PDE7B: variants seen among roughly 807,000 people sequenced by gnomAD.
The protein encoded by PDE7B is 3',5'-cyclic-AMP phosphodiesterase 7B.
A neutral mutation model predicts 56.2 loss-of-function variants in PDE7B; 29 were observed. The ratio of observed to expected loss-of-function variants is 0.52; its 90% CI spans 0.38 to 0.70. The LOEUF (loss-of-function observed/expected upper bound fraction) is 0.70. PDE7B is among the 30% of genes least tolerant of loss of function. The pLI, the probability that PDE7B is intolerant of heterozygous loss-of-function variation, is 0.00. For synonymous variants in PDE7B, 197 were observed against 196.9 expected (o/e 1.00, Z 0.00); for missense variants, 490 against 565.0 (o/e 0.87, Z 1.35).
chr6:135,864,514 T>G (rs1775213599), intron 1 of PDE7B, among the ~76,000 whole-genome samples: 1 of 152,140 alleles, frequency 6.6e-6, no homozygotes, highest in Non-Finnish European at 1.5e-5. Flanking sequence ...TTTAAAATAT[T>G]ATTGTATTGT....
intron 9 of PDE7B, among the ~76,000 whole-genome samples, chr6:136,174,468 T>TGGTATGTAGGCTGAG (rs1477380779): frequency 6.6e-6 from 1 of 152,148 alleles, no homozygotes; most frequent in Admixed American, 6.6e-5. Context: ...TTGATAGCCA[T>TGGTATGTAGGCTGAG]GGTATGTAGG....
At chr6:135,929,636 T>C (rs1168372737) in intron 1 of PDE7B, among the ~76,000 whole-genome samples, 1 of 152,182 alleles carries the variant, frequency 6.6e-6, no homozygotes, top group Admixed American at 6.5e-5. Context: ...TAAAAGTACA[T>C]ATGTGACTTG....
At chr6:136,076,784 A>G (rs1777134382) in intron 2 of PDE7B, among the ~76,000 whole-genome samples, 1 of 152,224 alleles carries the variant, frequency 6.6e-6, no homozygotes, top group Admixed American at 6.5e-5. Flanking sequence ...GGACAATGGC[A>G]ATGGGAACAC....
At chr6:136,104,759 GTCCTGCC>G (rs1353851215) in intron 2 of PDE7B, among the ~76,000 whole-genome samples, 2 of 152,130 alleles carry the variant, frequency 1.3e-5, no homozygotes, top group African/African-American at 4.8e-5. Flanking sequence ...ACTTACAATT[GTCCTGCC>G]TCCTGCCTTA....
intron 2 of PDE7B, among the ~76,000 whole-genome samples, chr6:136,062,856 T>A (rs929064762): frequency 6.6e-6 from 1 of 152,186 alleles, no homozygotes; most frequent in Non-Finnish European, 1.5e-5. Context: ...TGCACTAGAA[T>A]CTAGCAGTTG....
intron 2 of PDE7B, among the ~76,000 whole-genome samples, chr6:136,062,722 C>G (rs1032861005): frequency 1.3e-5 from 2 of 152,220 alleles, no homozygotes; most frequent in African/African-American, 2.4e-5. Flanking sequence ...CCACCTCATC[C>G]TTTCCAGCTC....
intron 7 of PDE7B, 77 bp downstream of exon 7, chr6:136,154,252 C>G: frequency 1.3e-6 from 1 of 787,000 alleles, no homozygotes; most frequent in South Asian, 1.5e-5. Context: ...AGTTACCCAA[C>G]ATATCTGAGT....
chr6:136,106,800 A>G (rs1377849109), intron 2 of PDE7B, among the ~76,000 whole-genome samples: 1 of 152,162 alleles, frequency 6.6e-6, no homozygotes, highest in Non-Finnish European at 1.5e-5. Flanking sequence ...AAACACTTCA[A>G]CTTTTCTTGG....
chr6:136,191,912 C>G lies in PDE7B; in HGVS notation c.*72C>G. The G allele has an allele frequency of 8.7e-7, 1 of 1,147,862 alleles. No homozygotes were observed. Among genetic ancestry groups the G allele is most frequent in the South Asian group, 1.4e-5 (1 of 72,634 alleles). The allele number at this position is 1,147,862 out of a possible 1,614,324, so 71.1% of individuals were successfully genotyped here. A position where few individuals can be genotyped will look rare whatever the true frequency, so the allele number is the denominator to read the frequency against. Reference sequence around the variant, plus strand: ...AGGGCAGAAGCAGCGTGGAGGGGCCCTCACGCAGCAGCCCAGCCACTTTCT... The same window carrying G: ...AGGGCAGAAGCAGCGTGGAGGGGCCGTCACGCAGCAGCCCAGCCACTTTCT... On this transcript the variant is annotated 3_prime_UTR_variant, in exon 13 of 13. Transcript: ENST00000308191.
At chr6:135,979,975 A>G (rs183487393) in intron 2 of PDE7B, among the ~76,000 whole-genome samples, 98 of 152,312 alleles carry the variant, frequency 6.4e-4, no homozygotes, top group African/African-American at 2.2e-3. Flanking sequence ...AAGAGCCCAC[A>G]TCGCCAAGTC....
At chr6:136,028,504 C>G (rs1275757209) in intron 2 of PDE7B, among the ~76,000 whole-genome samples, 1 of 152,240 alleles carries the variant, frequency 6.6e-6, no homozygotes, top group Non-Finnish European at 1.5e-5. Flanking sequence ...CATTATCTTA[C>G]AGTTCTGGAG....
intron 3 of PDE7B, among the ~76,000 whole-genome samples, chr6:136,110,034 G>A (rs541418961): frequency 6.8e-4 from 103 of 152,242 alleles, no homozygotes; most frequent in Non-Finnish European, 1.1e-3. Flanking sequence ...CTGATCCTTC[G>A]ATCCTTGAGA....
At chr6:136,137,981 G>C (rs1268197004) in intron 3 of PDE7B, among the ~76,000 whole-genome samples, 3 of 152,040 alleles carry the variant, frequency 2.0e-5, no homozygotes, top group Non-Finnish European at 1.5e-5. Context: ...AAACATTCTG[G>C]AACACCTTTT....
chr6:136,158,406 G>A (rs531028111), intron 8 of PDE7B, among the ~76,000 whole-genome samples: 2 of 152,010 alleles, frequency 1.3e-5, no homozygotes, highest in East Asian at 3.9e-4. Flanking sequence ...TGGTCAACAA[G>A]AATACCGTAG....
At chr6:136,082,410 C>T (rs1045255911) in intron 2 of PDE7B, among the ~76,000 whole-genome samples, 9 of 152,124 alleles carry the variant, frequency 5.9e-5, no homozygotes, top group Middle Eastern at 3.2e-3. Flanking sequence ...TTTATCTGAC[C>T]TTAAGAGTAA....
At chr6:136,135,732 CTAGAGATGCT>C (rs1403052045) in intron 3 of PDE7B, among the ~76,000 whole-genome samples, 2 of 152,030 alleles carry the variant, frequency 1.3e-5, no homozygotes, top group Non-Finnish European at 2.9e-5. Context: ...ACTTTAATGT[CTAGAGATGCT>C]AAACTGTGAA....
intron 2 of PDE7B, among the ~76,000 whole-genome samples, chr6:135,959,480 T>A (rs1250555161): frequency 6.6e-6 from 1 of 152,176 alleles, no homozygotes; most frequent in Admixed American, 6.5e-5. Flanking sequence ...CAAAAATACA[T>A]TTTCCTTGTT....
intron 6 of PDE7B, among the ~76,000 whole-genome samples, chr6:136,152,397 T>C (rs754282710): frequency 5.1e-4 from 77 of 152,346 alleles, no homozygotes; most frequent in Non-Finnish European, 9.7e-4. Flanking sequence ...TTTTGGCAAG[T>C]TATTTCTAAC....
intron 2 of PDE7B, among the ~76,000 whole-genome samples, chr6:136,006,937 A>G (rs1264223698): frequency 1.3e-5 from 2 of 152,160 alleles, no homozygotes; most frequent in Non-Finnish European, 2.9e-5. Flanking sequence ...CAGGACTTTC[A>G]ATACTATGTT....
Sources: gnomAD v4.1 joint callset for allele counts (sites outside exome capture counted in the v4.1 genomes callset) on GRCh38, gnomAD v4.1.1 for gene constraint, MANE v1.5 for transcripts, NCBI Gene and HGNC (gene_info 2026-07-23, HGNC 2026-07-21) for gene names.